The following OR6C2 variants were observed in gnomAD, a reference collection of about 807,000 sequenced individuals.
OR6C2 encodes the protein olfactory receptor family 6 subfamily C member 2.
For missense variants in OR6C2, 435 were observed against 365.8 expected (o/e 1.19, Z -1.54); for synonymous variants, 146 against 134.2 (o/e 1.09, Z -0.61).
Position 55,452,456 on chromosome 12 carries a change from C to T in OR6C2, c.243C>T (p.Tyr81=), listed in dbSNP as rs1448411169. Reference sequence around the variant, plus strand: ...CAGTCTGCATTCCCAGATTCTTGTACAATATATCAATGGGGGACAATACCA... The same window carrying T: ...CAGTCTGCATTCCCAGATTCTTGTATAATATATCAATGGGGGACAATACCA... ...FTTVCIPRFL[Y]NISMGDNTIT... The change falls in exon 2 of 2, where the codon TAC becomes TAT. Residue 81 remains tyrosine (Y), a synonymous_variant. Transcript: ENST00000641202. 2 of 1,613,478 alleles carry T rather than the reference C, an allele frequency of 1.2e-6. No homozygotes were observed. Among genetic ancestry groups the T allele is most frequent in the East Asian group, 4.5e-5 (2 of 44,884 alleles).
intron 1 of OR6C2, among the ~76,000 whole-genome samples, chr12:55,448,742 T>C (rs1004082895): frequency 2.0e-5 from 3 of 151,244 alleles, no homozygotes; most frequent in African/African-American, 4.8e-5. Flanking sequence ...CATAAGAAAT[T>C]TAGAATGCTG....
At position 55,452,571 on chromosome 12, in the gene OR6C2, C is replaced by T. The variant is rs142283078; in HGVS notation, c.358C>T (p.Arg120Cys). The change falls in exon 2 of 2, where the codon CGC becomes TGC. Residue 120 changes from arginine (R) to cysteine (C), a missense_variant. Transcript: ENST00000641202. ...TCTCTTGGCAGCCATGTCCTATGACCGCTATGTGGCCATCTGTAAACCCCT... is the reference window on the plus strand; with the variant it reads ...TCTCTTGGCAGCCATGTCCTATGACTGCTATGTGGCCATCTGTAAACCCCT... ...FFLLAAMSYD[R>C]YVAICKPLHY... 145 of 1,613,674 alleles carry T rather than the reference C, an allele frequency of 9.0e-5. No individual in the cohort carries two copies. The Middle Eastern group carries it at 2.0e-3, about 22-fold the overall frequency.
Position 55,452,753 on chromosome 12 carries a change from T to C in OR6C2, c.540T>C (p.Gly180=), listed in dbSNP as rs758370420. ...TTGATCATTTTAGCTGTGATGCAGG[T>C]CCTCTCCTAAAGATCTCATGCTCAG... ...NAIDHFSCDA[G]PLLKISCSDT... The change falls in exon 2 of 2, where the codon GGT becomes GGC. Residue 180 remains glycine (G), a synonymous_variant. Coordinates refer to ENST00000641202, the MANE Select transcript of OR6C2 (RefSeq NM_054105.2). 1 of 1,613,864 alleles carries C rather than the reference T, an allele frequency of 6.2e-7. No individual in the cohort carries two copies.
rs769842871 is a variant in OR6C2, at chr12:55,452,417, A to C, written c.204A>C (p.Glu68Asp). The change falls in exon 2 of 2, where the codon GAA (glutamate) becomes GAC (aspartate). Residue 68 changes from glutamate to aspartate, a missense_variant. By Grantham distance (45) the Glu-to-Asp change is conservative (BLOSUM62 2). Coordinates refer to ENST00000641202, the MANE Select transcript of OR6C2 (RefSeq NM_054105.2). ...TTCTCAGAAATTTTTCCTTCTTAGAAGTCTCATTTACTACAGTCTGCATTC... is the reference window on the plus strand; with the variant it reads ...TTCTCAGAAATTTTTCCTTCTTAGACGTCTCATTTACTACAGTCTGCATTC... ...YFFLRNFSFL[E>D]VSFTTVCIPR... 6.2e-7 allele frequency: 1 copy of C among 1,613,540 alleles called. No individual in the cohort carries two copies. Among genetic ancestry groups the C allele is most frequent in the Non-Finnish European group, 8.5e-7 (1 of 1,179,646 alleles).
intron 1 of OR6C2, among the ~76,000 whole-genome samples, chr12:55,449,563 C>A (rs1053213974): frequency 6.6e-6 from 1 of 151,666 alleles, no homozygotes; most frequent in Non-Finnish European, 1.5e-5. Flanking sequence ...ATGAATTCCA[C>A]CTGATTTTTC....
intron 1 of OR6C2, among the ~76,000 whole-genome samples, chr12:55,446,334 A>T (rs550406313): frequency 6.6e-6 from 1 of 152,024 alleles, no homozygotes; most frequent in Non-Finnish European, 1.5e-5. Context: ...TTTTTAGTAG[A>T]GATGGGCCTT....
intron 1 of OR6C2, among the ~76,000 whole-genome samples, chr12:55,450,218 A>G (rs1871441853): frequency 1.3e-5 from 2 of 152,096 alleles, no homozygotes; most frequent in South Asian, 4.1e-4. Context: ...GTACATAAGT[A>G]CTTGGGAAAA....
chr12:55,444,578 C>T (rs1871331301), intron 1 of OR6C2, among the ~76,000 whole-genome samples: 1 of 152,114 alleles, frequency 6.6e-6, no homozygotes, highest in South Asian at 2.1e-4. Context: ...CAAAAATGCT[C>T]CCTTAATGTC....
In OR6C2 at chr12:55,452,969, C is replaced by A. The variant is rs1871518846; in HGVS notation, c.756C>A (p.Ser252Arg). Residue 252 changes from serine to arginine, a missense_variant, in exon 2 of 2, where the codon AGC becomes AGA. Physicochemically the swap from Ser to Arg is moderately radical, Grantham distance 110. Coordinates refer to ENST00000641202, the MANE Select transcript of OR6C2 (RefSeq NM_054105.2). ...TTGTGGTTTCCATTGCCTATGGAAGCTGCATCTTCATCTATATCAAGCCCT... is the reference window on the plus strand; with the variant it reads ...TTGTGGTTTCCATTGCCTATGGAAGATGCATCTTCATCTATATCAAGCCCT... ...HMIVVSIAYG[S>R]CIFIYIKPSA... 2 of 1,613,680 alleles carry A rather than the reference C, an allele frequency of 1.2e-6. No homozygotes were observed. The highest frequency in any genetic ancestry group is 1.7e-6 in the Non-Finnish European group (2 of 1,179,736).
chr12:55,444,369 C>T (rs1227034239), intron 1 of OR6C2, among the ~76,000 whole-genome samples: 1 of 152,108 alleles, frequency 6.6e-6, no homozygotes, highest in Admixed American at 6.6e-5. Flanking sequence ...GTCACACATG[C>T]AGTAGTTTGT....
chr12:55,446,160 C>G (rs1439627561), intron 1 of OR6C2, among the ~76,000 whole-genome samples: 3 of 151,796 alleles, frequency 2.0e-5, no homozygotes, highest in African/African-American at 4.8e-5. Context: ...TTCTTTCTTT[C>G]TTTCGTGAGA....
At position 55,452,385 on chromosome 12, in the gene OR6C2, T is replaced by C. The variant is rs758826609; in HGVS notation, c.172T>C (p.Tyr58His). The change falls in exon 2 of 2, where the codon TAC (tyrosine) becomes CAC (histidine). Residue 58 changes from tyrosine (Y) to histidine (H), a missense_variant. Physicochemically the swap from Tyr to His is moderately conservative, Grantham distance 83 (BLOSUM62 2). Coordinates refer to ENST00000641202, the MANE Select transcript of OR6C2 (RefSeq NM_054105.2). ...GGACCACCACCTTAAAACTCCTATG[T>C]ACTTCTTTCTCAGAAATTTTTCCTT... is the stretch of plus-strand genomic sequence containing the variant. ...LVDHHLKTPM[Y>H]FFLRNFSFLE... 3 of 1,613,728 alleles carry C rather than the reference T, an allele frequency of 1.9e-6. No individual in the cohort carries two copies. The South Asian group carries it at 3.3e-5, about 18-fold the overall frequency.
intron 1 of OR6C2, among the ~76,000 whole-genome samples, chr12:55,448,408 T>C (rs1028380869): frequency 6.6e-6 from 1 of 150,780 alleles, no homozygotes; most frequent in African/African-American, 2.4e-5. Flanking sequence ...AATTTAATTA[T>C]AGAAAAAAAT....
chr12:55,450,133 G>A (rs1871439594), intron 1 of OR6C2, among the ~76,000 whole-genome samples: 2 of 152,006 alleles, frequency 1.3e-5, no homozygotes, highest in Admixed American at 6.6e-5. Flanking sequence ...TGTCTCTAAA[G>A]AAGTTTACAG....
chr12:55,453,287 C>T lies in OR6C2; in HGVS notation c.*135C>T. On this transcript the variant is annotated 3_prime_UTR_variant, in exon 2 of 2. Coordinates refer to ENST00000641202, the MANE Select transcript of OR6C2 (RefSeq NM_054105.2). ...TCTCAATGACATTTAATATTGCATC[C>T]TAATCCCATCTTTATCAAAATCCTT... 4 of 611,000 alleles carry T rather than the reference C, an allele frequency of 6.5e-6. No homozygotes were observed. Among genetic ancestry groups the T allele is most frequent in the South Asian group, 2.3e-5 (1 of 42,826 alleles). The allele number at this position is 611,000 out of a possible 1,614,324, so 37.8% of individuals were successfully genotyped here.
intron 1 of OR6C2, among the ~76,000 whole-genome samples, chr12:55,450,988 G>T (rs1871457524): frequency 6.6e-6 from 1 of 151,962 alleles, no homozygotes; most frequent in African/African-American, 2.4e-5. Context: ...CATAAATTGA[G>T]TAGGGGTGAG....
rs1424409507 is a variant in OR6C2, at chr12:55,452,525, C to T, written c.312C>T (p.Leu104=). 6.2e-7 allele frequency: 1 copy of T among 1,613,880 alleles called. No individual in the cohort carries two copies. Among genetic ancestry groups the T allele is most frequent in the East Asian group, 2.2e-5 (1 of 44,878 alleles). ...ACASQIFFVI[L]FGATEFFLLA... ...CCAGTCAAATATTCTTTGTTATTCT[C>T]TTTGGAGCAACAGAATTTTTTCTCT... The change falls in exon 2 of 2, where the codon CTC becomes CTT. Residue 104 remains leucine (L), a synonymous_variant. Transcript: ENST00000641202.
chr12:55,448,647 A>AAAAAAAAAAAAG (rs1203512787), intron 1 of OR6C2, among the ~76,000 whole-genome samples: 1 of 142,108 alleles, frequency 7.0e-6, no homozygotes, highest in Non-Finnish European at 1.5e-5. Context: ...TCACTGCAAA[A>AAAAAAAAAAAAG]AAAAAAAAAA....
At chr12:55,447,241 C>G (rs896121595) in intron 1 of OR6C2, among the ~76,000 whole-genome samples, 4 of 152,008 alleles carry the variant, frequency 2.6e-5, no homozygotes, top group African/African-American at 9.7e-5. Context: ...TCACCACAAT[C>G]AAGGTGATAA....
Sources: gnomAD v4.1 joint callset for allele counts (sites outside exome capture counted in the v4.1 genomes callset) on GRCh38, gnomAD v4.1.1 for gene constraint, MANE v1.5 for transcripts, NCBI Gene and HGNC (gene_info 2026-07-23, HGNC 2026-07-21) for gene names.